Variants in TNKS observed in about 807,000 individuals in gnomAD.
The protein encoded by TNKS is poly [ADP-ribose] polymerase tankyrase-1.
In TNKS, 72 loss-of-function variants were observed where a neutral mutation model predicts 135.8. The observed-to-expected ratio is 0.53, with a 90% CI of 0.44 to 0.64. The LOEUF (loss-of-function observed/expected upper bound fraction) is 0.64, where lower values mean the gene tolerates loss of function less well. Ranked by LOEUF, TNKS falls within the 30% of genes least tolerant of loss-of-function variation. The probability of loss-of-function intolerance (pLI) is 0.00; values close to 1 mark genes in which losing one functional copy is unlikely to be tolerated. For synonymous variants in TNKS, 849 were observed against 649.3 expected (o/e 1.31, Z -4.68); for missense variants, 1,769 against 1,674.0 (o/e 1.06, Z -0.99).
intron 1 of TNKS, among the ~76,000 whole-genome samples, chr8:9,574,037 A>G (rs572067993): frequency 3.8e-4 from 58 of 152,334 alleles, no homozygotes; most frequent in African/African-American, 1.2e-3. Context: ...GAAAGGCCTT[A>G]ATCAACTCTT....
At chr8:9,708,134 T>C (rs888595627) in intron 8 of TNKS, among the ~76,000 whole-genome samples, 8 of 152,316 alleles carry the variant, frequency 5.3e-5, no homozygotes, top group African/African-American at 1.9e-4. Context: ...TAAGTATCTT[T>C]ATAGGTGTAT....
intron 3 of TNKS, among the ~76,000 whole-genome samples, chr8:9,621,025 A>C (rs574080374): frequency 6.6e-6 from 1 of 152,352 alleles, no homozygotes; most frequent in South Asian, 2.1e-4. Flanking sequence ...TCATATAAAT[A>C]CTCATTAACC....
chr8:9,688,032 C>T (rs10081565), intron 5 of TNKS, among the ~76,000 whole-genome samples: 95,818 of 152,072 alleles, frequency 0.63, 30,486 homozygotes, highest in Middle Eastern at 0.72. Flanking sequence ...ACACACAAGA[C>T]AGCTTCTGTG....
rs536130932 is a variant in TNKS, at chr8:9,742,031, A to G, written c.2644-5993A>G. Reference sequence around the variant, plus strand: ...AGCTCTTTGTAAATGAAGGTAACTTACTGAGGTGAGAATGATCAAAAAATT... The same window carrying G: ...AGCTCTTTGTAAATGAAGGTAACTTGCTGAGGTGAGAATGATCAAAAAATT... On this transcript the variant is annotated intron_variant, in intron 17 of 26. Coordinates refer to ENST00000310430, the MANE Select transcript of TNKS (RefSeq NM_003747.3). 7.2e-5 allele frequency among the ~76,000 whole-genome samples: 11 copies of G among 152,326 alleles called. No individual in the cohort carries two copies. In the South Asian group the frequency reaches 2.3e-3, roughly 32 times the overall value.
At chr8:9,715,896 T>G (rs1039906461) in intron 11 of TNKS, among the ~76,000 whole-genome samples, 5 of 152,210 alleles carry the variant, frequency 3.3e-5, no homozygotes, top group African/African-American at 1.2e-4. Flanking sequence ...TGGCAATTTT[T>G]TCTTTATTAT....
intron 3 of TNKS, among the ~76,000 whole-genome samples, chr8:9,646,167 C>T (rs1800912798): frequency 6.6e-6 from 1 of 152,088 alleles, no homozygotes; most frequent in Non-Finnish European, 1.5e-5. Context: ...ACTTACATTG[C>T]TTGCATTCTT....
At chr8:9,576,146 C>T (rs1797935655) in intron 1 of TNKS, among the ~76,000 whole-genome samples, 3 of 152,272 alleles carry the variant, frequency 2.0e-5, no homozygotes, top group Non-Finnish European at 2.9e-5. Context: ...TAGGATTCCT[C>T]CTCTGGACTG....
rs772562305 is a variant in TNKS at position 9,556,018 on chromosome 8, C to T, written c.79C>T (p.Pro27Ser). 9.3e-6 allele frequency: 15 copies of T among 1,612,398 alleles called. No individual in the cohort carries two copies. In the Admixed American group the frequency reaches 1.2e-4, roughly 13 times the overall value. Residue 27 changes from proline to serine, a missense_variant, in exon 1 of 27, where the codon CCG becomes TCG. Coordinates refer to ENST00000310430, the MANE Select transcript of TNKS (RefSeq NM_003747.3). Reference protein sequence around the residue: ...QLQPAPGASAPPPPPPPPLSP... With the variant: ...QLQPAPGASASPPPPPPPLSP... ...CCAGCCCGCCCCAGGGGCTTCAGCG[C>T]CGCCGCCGCCACCTCCTCCCCCACT...
At chr8:9,650,285 G>T (rs1708130553) in intron 3 of TNKS, among the ~76,000 whole-genome samples, 1 of 152,170 alleles carries the variant, frequency 6.6e-6, no homozygotes, top group Non-Finnish European at 1.5e-5. Flanking sequence ...TGTAAACATG[G>T]GTGCAAGTAT....
chr8:9,761,892 G>A (rs1030413802), intron 21 of TNKS, among the ~76,000 whole-genome samples: 37 of 152,138 alleles, frequency 2.4e-4, no homozygotes, highest in African/African-American at 8.5e-4. Flanking sequence ...TCCCATGACT[G>A]TCACTTGATC....
At chr8:9,594,537 A>G (rs1476046334) in intron 2 of TNKS, among the ~76,000 whole-genome samples, 2 of 152,268 alleles carry the variant, frequency 1.3e-5, no homozygotes, top group African/African-American at 4.8e-5. Context: ...TGTTAGACCC[A>G]GTGAACCTGT....
intron 2 of TNKS, among the ~76,000 whole-genome samples, chr8:9,609,371 T>C (rs1056879424): frequency 6.6e-6 from 1 of 152,178 alleles, no homozygotes; most frequent in Non-Finnish European, 1.5e-5. Flanking sequence ...ACACCCAAAG[T>C]TTCCAACCAG....
At chr8:9,626,836 C>G (rs985424356) in intron 3 of TNKS, among the ~76,000 whole-genome samples, 3 of 152,146 alleles carry the variant, frequency 2.0e-5, no homozygotes, top group Non-Finnish European at 4.4e-5. Context: ...AATGGCTATA[C>G]TATAAAATGT....
chr8:9,654,010 G>A (rs1801245997), intron 3 of TNKS, among the ~76,000 whole-genome samples: 1 of 152,146 alleles, frequency 6.6e-6, no homozygotes, highest in African/African-American at 2.4e-5. Flanking sequence ...AGCAGCTCTG[G>A]GACCACAGCC....
intron 1 of TNKS, chr8:9,558,488 T>A (rs941419408): frequency 1.3e-5 from 2 of 152,218 alleles, no homozygotes; most frequent in African/African-American, 4.8e-5. Context: ...CAAGTTTGCC[T>A]ATTTTAACAA....
chr8:9,613,553 A>T (rs963235925), intron 2 of TNKS, among the ~76,000 whole-genome samples: 1 of 152,240 alleles, frequency 6.6e-6, no homozygotes, highest in South Asian at 2.1e-4. Context: ...TTTTGTTATC[A>T]GCATCTGGTT....
chr8:9,678,439 A>G (rs1298631866), intron 3 of TNKS, among the ~76,000 whole-genome samples: 1 of 152,236 alleles, frequency 6.6e-6, no homozygotes. Flanking sequence ...AATACAATTT[A>G]TGGGAAATTA....
chr8:9,767,398 C>T (rs368324308), intron 25 of TNKS, among the ~76,000 whole-genome samples: 1 of 152,128 alleles, frequency 6.6e-6, no homozygotes, highest in Non-Finnish European at 1.5e-5. Context: ...TCTGTGTAAA[C>T]TTACTTACCA....
intron 3 of TNKS, chr8:9,671,172 A>G (rs796949554): frequency 2.8e-4 from 42 of 152,272 alleles, no homozygotes; most frequent in African/African-American, 9.6e-4. Flanking sequence ...TCAGATTTCA[A>G]AAAAGACATG....
Sources: allele counts gnomAD v4.1 joint callset (sites outside exome capture counted in the v4.1 genomes callset), GRCh38; gene constraint gnomAD v4.1.1; transcripts MANE v1.5; gene names NCBI Gene and HGNC (gene_info 2026-07-23, HGNC 2026-07-21).